Variants in PHACTR2 observed in about 807,000 individuals in gnomAD.
The protein encoded by PHACTR2 is chromosome 6 open reading frame 56.
PHACTR2 carries 30 observed loss-of-function variants against 76.0 expected under a neutral mutation model. That is an observed-to-expected ratio of 0.39 (90% CI 0.30 to 0.54). The LOEUF is 0.54. Among genes scored for constraint, PHACTR2 ranks in the 20% least tolerant of loss-of-function variants. The pLI is 0.61. For synonymous variants in PHACTR2, 292 were observed against 292.5 expected (o/e 1.00, Z 0.02); for missense variants, 696 against 781.1 (o/e 0.89, Z 1.30).
chr6:143,706,923 GT>G (rs1250713194), intron 1 of PHACTR2, among the ~76,000 whole-genome samples: 1 of 152,166 alleles, frequency 6.6e-6, no homozygotes, highest in East Asian at 1.9e-4. Flanking sequence ...GTGCCCAGAT[GT>G]TGTACATCCG....
chr6:143,716,152 T>C (rs1778296034), intron 2 of PHACTR2, among the ~76,000 whole-genome samples: 1 of 152,106 alleles, frequency 6.6e-6, no homozygotes, highest in Admixed American at 6.5e-5. Context: ...ACTTTACAAG[T>C]ATCAAGCCTG....
At chr6:143,577,611 T>G (rs371768945) in intron 1 of PHACTR2, among the ~76,000 whole-genome samples, 1 of 152,110 alleles carries the variant, frequency 6.6e-6, no homozygotes, top group African/African-American at 2.4e-5. Context: ...TGAGACCAAA[T>G]TGATATATCG....
chr6:143,666,733 T>C (rs1777044431), intron 1 of PHACTR2, among the ~76,000 whole-genome samples: 1 of 152,254 alleles, frequency 6.6e-6, no homozygotes, highest in African/African-American at 2.4e-5. Flanking sequence ...TCATTTGTTT[T>C]TTCTTGTAAA....
chr6:143,706,145 C>A (rs1778048352), intron 1 of PHACTR2, among the ~76,000 whole-genome samples: 2 of 152,230 alleles, frequency 1.3e-5, no homozygotes, highest in African/African-American at 4.8e-5. Context: ...AACCTACCTC[C>A]TCCCATCAGT....
rs1781154421 is a variant in PHACTR2 at position 143,539,637 on chromosome 6, G to A, written c.217+2430G>A. Among the ~76,000 whole-genome samples, 1 of 152,142 alleles carries A rather than the reference G, an allele frequency of 6.6e-6. No homozygotes were observed. Among genetic ancestry groups the A allele is most frequent in the African/African-American group, 2.4e-5 (1 of 41,438 alleles). On this transcript the variant is annotated intron_variant, in intron 1 of 11. Transcript: ENST00000367584. The surrounding 1 kb of genome is among the most constrained non-coding windows in gnomAD (Gnocchi z 4.3). Reference sequence around the variant, plus strand: ...TAGCCCAATTTCCAGCCCTTCTCCAGAAGCTCTGGGCACACACAGAGGCAG... The same window carrying A: ...TAGCCCAATTTCCAGCCCTTCTCCAAAAGCTCTGGGCACACACAGAGGCAG...
At chr6:143,545,498 A>G (rs118144306) in intron 1 of PHACTR2, among the ~76,000 whole-genome samples, 8 of 152,288 alleles carry the variant, frequency 5.3e-5, no homozygotes, top group Admixed American at 3.9e-4. Flanking sequence ...TGCTAGCCCA[A>G]TCCTGCATTA....
chr6:143,615,768 C>T (rs1416682229), intron 1 of PHACTR2, among the ~76,000 whole-genome samples: 3 of 152,228 alleles, frequency 2.0e-5, no homozygotes, highest in East Asian at 1.9e-4. Context: ...AAGAATTTTA[C>T]TTTTTCTCTC....
rs1775245849 is a variant in PHACTR2 at position 143,775,257 on chromosome 6, G to A, written c.1589+1042G>A. 6.6e-6 allele frequency among the ~76,000 whole-genome samples: 1 copy of A among 152,166 alleles called. No individual in the cohort carries two copies. The highest frequency in any genetic ancestry group is 2.1e-4 in the South Asian group (1 of 4,832). Reference sequence around the variant, plus strand: ...AGCACAGCCTACCAGGGAACCTCGGGGGAGGCTTAGAGGGTCTCTCTGTTC... The same window carrying A: ...AGCACAGCCTACCAGGGAACCTCGGAGGAGGCTTAGAGGGTCTCTCTGTTC... On this transcript the variant is annotated intron_variant, in intron 8 of 12. Coordinates refer to ENST00000440869, the MANE Select transcript of PHACTR2 (RefSeq NM_001100164.2). This position sits in a 1 kb window ranked among gnomAD's most constrained non-coding sequence, Gnocchi z 4.4.
chr6:143,641,978 C>A lies in PHACTR2; in HGVS notation c.13+33656C>A, dbSNP rs1236199101. The stretch of plus-strand genomic sequence containing the variant: ...ACTAGGTAATCGTGTTTGTCCCACT[C>A]ATGCATGGCCAACAGCTACATAGAG... On this transcript the variant is annotated intron_variant, in intron 1 of 11. Coordinates refer to the PHACTR2 transcript ENST00000305766. This position sits in a 1 kb window ranked among gnomAD's most constrained non-coding sequence, Gnocchi z 5.8. 6.6e-6 allele frequency among the ~76,000 whole-genome samples: 1 copy of A among 152,182 alleles called. No individual in the cohort carries two copies. The highest frequency in any genetic ancestry group is 1.5e-5 in the Non-Finnish European group (1 of 68,028).
At chr6:143,577,555 C>T (rs916168714) in intron 1 of PHACTR2, among the ~76,000 whole-genome samples, 2 of 152,060 alleles carry the variant, frequency 1.3e-5, no homozygotes, top group South Asian at 2.1e-4. Flanking sequence ...GAGAATGCCC[C>T]GTGTGAGTTT....
intron 1 of PHACTR2, among the ~76,000 whole-genome samples, chr6:143,576,001 A>G (rs1403910719): frequency 6.6e-6 from 1 of 152,266 alleles, no homozygotes; most frequent in Non-Finnish European, 1.5e-5. Context: ...GGAATGAGAT[A>G]TATCAGACAA....
rs1417203241 is a variant in PHACTR2, at chr6:143,547,996, C to G, written c.217+10789C>G. On this transcript the variant is annotated intron_variant, in intron 1 of 11. Transcript: ENST00000367584. The surrounding 1 kb of genome is among the most constrained non-coding windows in gnomAD (Gnocchi z 4.2). ...ATCATCATGTGTATCATCTATCTAT[C>G]TTATTTTGGCCTACTATAACAAACT... 6.6e-6 allele frequency among the ~76,000 whole-genome samples: 1 copy of G among 152,088 alleles called. No individual in the cohort carries two copies. Among genetic ancestry groups the G allele is most frequent in the African/African-American group, 2.4e-5 (1 of 41,408 alleles).
At chr6:143,813,739 CT>C (rs1168634852) in intron 12 of PHACTR2, among the ~76,000 whole-genome samples, 2 of 150,574 alleles carry the variant, frequency 1.3e-5, no homozygotes, top group Non-Finnish European at 3.0e-5. Context: ...CTTTTATCTA[CT>C]TTTCAAATTT....
chr6:143,700,349 G>A lies in PHACTR2; in HGVS notation c.47-11667G>A, dbSNP rs1166972129. 6.6e-6 allele frequency among the ~76,000 whole-genome samples: 1 copy of A among 152,148 alleles called. No homozygotes were observed. The highest frequency in any genetic ancestry group is 1.5e-5 in the Non-Finnish European group (1 of 68,028). Reference sequence around the variant, plus strand: ...GTGGGCGGATCACTTGAGCTTAGGAGTTTGAGACTGGCCTGGCCAACATGG... The same window carrying A: ...GTGGGCGGATCACTTGAGCTTAGGAATTTGAGACTGGCCTGGCCAACATGG... On this transcript the variant is annotated intron_variant, in intron 1 of 12. Coordinates refer to ENST00000440869, the MANE Select transcript of PHACTR2 (RefSeq NM_001100164.2). The surrounding 1 kb of genome is among the most constrained non-coding windows in gnomAD (Gnocchi z 4.1).
rs957878485 is a variant in PHACTR2, at chr6:143,772,102, G to A, written c.1233-156G>A. 7.2e-5 allele frequency among the ~76,000 whole-genome samples: 11 copies of A among 152,276 alleles called. No homozygotes were observed. The highest frequency in any genetic ancestry group is 6.5e-4 in the Admixed American group (10 of 15,298). ...AAAATGTAAAACCTTGAGAATTAAG[G>A]TTTCATTTCAGTGACTTTAGCCTGG... On this transcript the variant is annotated intron_variant, in intron 6 of 12. Coordinates refer to ENST00000440869, the MANE Select transcript of PHACTR2 (RefSeq NM_001100164.2). This position sits in a 1 kb window ranked among gnomAD's most constrained non-coding sequence, Gnocchi z 5.4.
At chr6:143,799,352 A>AT (rs1215646633) in intron 11 of PHACTR2, among the ~76,000 whole-genome samples, 3 of 152,098 alleles carry the variant, frequency 2.0e-5, no homozygotes, top group Admixed American at 6.5e-5. Context: ...GGATTCATTG[A>AT]TTTTTTGAAG....
rs769611133 is a variant in PHACTR2 at position 143,767,072 on chromosome 6, T to C, written c.1232+1274T>C. 6.6e-6 allele frequency among the ~76,000 whole-genome samples: 1 copy of C among 152,234 alleles called. No individual in the cohort carries two copies. The highest frequency in any genetic ancestry group is 1.5e-5 in the Non-Finnish European group (1 of 68,040). On this transcript the variant is annotated intron_variant, in intron 6 of 12. Transcript: ENST00000440869. This position sits in a 1 kb window ranked among gnomAD's most constrained non-coding sequence, Gnocchi z 4.4. ...TTGGTCAAGAAACTAAAATATCAAC[T>C]TTAATTCTTTAATTGCTAATGATAA...
chr6:143,748,988 T>C lies in PHACTR2; in HGVS notation c.218T>C (p.Leu73Ser). Residue 73 changes from leucine (L) to serine (S), a missense_variant, in exon 3 of 13, where the codon TTA (leucine) becomes TCA (serine). By Grantham distance (145) the Leu-to-Ser change is moderately radical. This residue lies in a region of PHACTR2 where 460 missense variants were observed against 450.9 expected (regional missense o/e 1.02). Transcript: ENST00000440869. ...SDKFRETSAV[L>S]ERKISTRQSR... ...TTGTGCTTGTTCTTTTTAAAAGTAT[T>C]AGAAAGGAAGATATCCACACGACAA... The C allele has an allele frequency of 6.6e-7, 1 of 1,516,130 alleles. No individual in the cohort carries two copies. The highest frequency in any genetic ancestry group is 9.1e-7 in the Non-Finnish European group (1 of 1,093,100). 93.9% of individuals were successfully genotyped at this position (1,516,130 alleles called of 1,614,324 possible).
intron 1 of PHACTR2, among the ~76,000 whole-genome samples, chr6:143,575,451 A>G (rs151131417): frequency 1.3e-5 from 2 of 152,324 alleles, no homozygotes; most frequent in East Asian, 3.9e-4. Context: ...ATGATGAACT[A>G]TCAAAACGCC....
Sources: gnomAD v4.1 joint callset for allele counts (sites outside exome capture counted in the v4.1 genomes callset) on GRCh38, gnomAD v4.1.1 for gene constraint, gnomAD v4.1.1 regional missense constraint, Gnocchi (gnomAD v3.1) non-coding constraint, MANE v1.5 for transcripts, NCBI Gene and HGNC (gene_info 2026-07-23, HGNC 2026-07-21) for gene names.